The following ARHGAP24 variants were observed in gnomAD, a reference collection of about 807,000 sequenced individuals.
The protein encoded by ARHGAP24 is Rho GTPase activating protein 24, also known as rho GTPase-activating protein 24.
A neutral mutation model predicts 76.4 loss-of-function variants in ARHGAP24; 50 were observed. The observed-to-expected ratio is 0.65, with a 90% CI of 0.52 to 0.83. The LOEUF (loss-of-function observed/expected upper bound fraction) is 0.83. ARHGAP24 is among the 40% of genes least tolerant of loss of function. The probability of loss-of-function intolerance (pLI) is 0.00; values close to 1 mark genes in which losing one functional copy is unlikely to be tolerated. For missense variants in ARHGAP24, 930 were observed against 914.2 expected (o/e 1.02, Z -0.22); for synonymous variants, 345 against 323.3 (o/e 1.07, Z -0.72).
At chr4:85,749,062 G>A (rs1726156120) in intron 3 of ARHGAP24, among the ~76,000 whole-genome samples, 1 of 152,108 alleles carries the variant, frequency 6.6e-6, no homozygotes, top group South Asian at 2.1e-4. Context: ...CAAATTTCTG[G>A]GAACAGGACT....
intron 3 of ARHGAP24, among the ~76,000 whole-genome samples, chr4:85,910,802 A>G (rs542298901): frequency 1.3e-5 from 2 of 152,072 alleles, no homozygotes; most frequent in Non-Finnish European, 1.5e-5. Context: ...CAGCCCAGAA[A>G]AGGCTTCACA....
chr4:85,703,747 G>C lies in ARHGAP24; in HGVS notation c.181-18138G>C, dbSNP rs191001736. ...TTTATAAGTCATTCAGTCTGTGGTA[G>C]GCTGTTATAGCAGCCCAAACAGACT... On this transcript the variant is annotated intron_variant, in intron 2 of 9. Transcript: ENST00000395184. Among the ~76,000 whole-genome samples the C allele has an allele frequency of 5.3e-5, 8 of 152,186 alleles. No individual in the cohort carries two copies. In the East Asian group the frequency reaches 1.5e-3, roughly 29 times the overall value.
chr4:85,920,064 T>A (rs1735639124), intron 3 of ARHGAP24, among the ~76,000 whole-genome samples: 1 of 152,196 alleles, frequency 6.6e-6, no homozygotes, highest in African/African-American at 2.4e-5. Context: ...CATATGTGTA[T>A]CAAGAAAGAT....
chr4:85,880,777 C>A (rs572609460), intron 3 of ARHGAP24, among the ~76,000 whole-genome samples: 1 of 152,284 alleles, frequency 6.6e-6, no homozygotes, highest in African/African-American at 2.4e-5. Context: ...GATCCGCCCG[C>A]CTCGGCCTCC....
At chr4:85,664,347 T>C (rs544994442) in intron 2 of ARHGAP24, among the ~76,000 whole-genome samples, 182 of 151,328 alleles carry the variant, frequency 1.2e-3, no homozygotes, top group Non-Finnish European at 2.1e-3. Flanking sequence ...TCTTTGGGAT[T>C]GGTGGTGATA....
intron 1 of ARHGAP24, among the ~76,000 whole-genome samples, chr4:85,568,068 C>A (rs1726918981): frequency 2.6e-5 from 4 of 152,170 alleles, no homozygotes; most frequent in Admixed American, 2.6e-4. Context: ...CAAAAGGAAT[C>A]AGAAACCATG....
intron 2 of ARHGAP24, among the ~76,000 whole-genome samples, chr4:85,636,818 T>C (rs1721325827): frequency 6.6e-6 from 1 of 152,118 alleles, no homozygotes; most frequent in Non-Finnish European, 1.5e-5. Flanking sequence ...ACTAGTCATA[T>C]ACAGTAATTT....
In ARHGAP24 at chr4:85,995,194, A is replaced by G. The variant is rs1402782329; in HGVS notation, c.1540A>G (p.Asn514Asp). The G allele has an allele frequency of 6.2e-7, 1 of 1,614,008 alleles. No individual in the cohort carries two copies. The highest frequency in any genetic ancestry group is 1.7e-5 in the Admixed American group (1 of 60,006). ...AAATGGCTATGTGACCCTGAGGGAT[A>G]ACAAGCAGAAAGAACAAGCTGGAGA... ...LPNGYVTLRD[N>D]KQKEQAGELG... Residue 514 changes from asparagine (N) to aspartate (D), a missense_variant, in exon 9 of 10, where the codon AAC becomes GAC. By Grantham distance (23) the Asn-to-Asp change is conservative. Transcript: ENST00000395184.
At chr4:85,844,644 G>C (rs1200724294) in intron 3 of ARHGAP24, among the ~76,000 whole-genome samples, 1 of 152,130 alleles carries the variant, frequency 6.6e-6, no homozygotes, top group African/African-American at 2.4e-5. Context: ...CACCTTTTCT[G>C]ATAATGATTT....
intron 2 of ARHGAP24, among the ~76,000 whole-genome samples, chr4:85,610,541 A>C (rs1321417818): frequency 3.2e-5 from 3 of 93,246 alleles, no homozygotes; most frequent in African/African-American, 1.3e-4. Context: ...CAGAATCACC[A>C]ACAGAAATAG....
chr4:85,835,343 A>G (rs1037330566), intron 3 of ARHGAP24, among the ~76,000 whole-genome samples: 5 of 151,732 alleles, frequency 3.3e-5, no homozygotes, highest in Non-Finnish European at 7.4e-5. Flanking sequence ...GCGGATCACG[A>G]GGTCAGGAGA....
intron 2 of ARHGAP24, among the ~76,000 whole-genome samples, chr4:85,578,323 G>A (rs1727470833): frequency 6.6e-6 from 1 of 152,198 alleles, no homozygotes; most frequent in Admixed American, 6.5e-5. Flanking sequence ...TTTGACTGTA[G>A]GAGGAAGAGC....
At chr4:85,743,354 A>G (rs1279308263) in intron 3 of ARHGAP24, among the ~76,000 whole-genome samples, 2 of 132,246 alleles carry the variant, frequency 1.5e-5, no homozygotes, top group Non-Finnish European at 3.1e-5. Context: ...CACTCCTGTA[A>G]TCCCAGCACT....
At chr4:85,592,321 A>G (rs939943111) in intron 2 of ARHGAP24, among the ~76,000 whole-genome samples, 1 of 152,102 alleles carries the variant, frequency 6.6e-6, no homozygotes, top group Non-Finnish European at 1.5e-5. Flanking sequence ...GGAAATGCCT[A>G]TTCAGATTTT....
chr4:85,827,607 C>A (rs1208155315), intron 3 of ARHGAP24: 3 of 208,436 alleles, frequency 1.4e-5, no homozygotes, highest in African/African-American at 6.9e-5. Flanking sequence ...TTTTATTGTC[C>A]CAGCTCTGAT....
intron 3 of ARHGAP24, among the ~76,000 whole-genome samples, chr4:85,792,867 G>T (rs1267056886): frequency 6.6e-6 from 1 of 152,114 alleles, no homozygotes; most frequent in Non-Finnish European, 1.5e-5. Flanking sequence ...CTAATACTTG[G>T]ACTTGTTTTA....
At chr4:85,707,761 G>A (rs1474161423) in intron 2 of ARHGAP24, among the ~76,000 whole-genome samples, 1 of 152,160 alleles carries the variant, frequency 6.6e-6, no homozygotes, top group African/African-American at 2.4e-5. Context: ...TTAGGTCACT[G>A]ATGTCTCCGG....
chr4:85,675,178 A>G (rs1433952379), intron 2 of ARHGAP24, among the ~76,000 whole-genome samples: 1 of 152,228 alleles, frequency 6.6e-6, no homozygotes, highest in Non-Finnish European at 1.5e-5. Context: ...AGAGGAGGCC[A>G]ATTATGTAAG....
intron 1 of ARHGAP24, among the ~76,000 whole-genome samples, chr4:85,564,442 A>C (rs1381820418): frequency 9.9e-6 from 1 of 101,028 alleles, no homozygotes; most frequent in African/African-American, 3.2e-5. Flanking sequence ...ACCTAATGTA[A>C]ATGACGAGTT....
Sources: allele counts gnomAD v4.1 joint callset (sites outside exome capture counted in the v4.1 genomes callset), GRCh38; gene constraint gnomAD v4.1.1; transcripts MANE v1.5; gene names NCBI Gene and HGNC (gene_info 2026-07-23, HGNC 2026-07-21).